Variants in GARIN5A observed in about 807,000 individuals in gnomAD.
GARIN5A encodes the protein Golgi-associated RAB2 interactor protein 5A.
chr19:50,467,234 G>A, the GARIN5A span, among the ~76,000 whole-genome samples: 1 of 152,048 alleles, frequency 6.6e-6, no homozygotes, highest in Non-Finnish European at 1.5e-5. Flanking sequence ...ACGGGGAGAG[G>A]GGCTGGGGCA....
the GARIN5A span, among the ~76,000 whole-genome samples, chr19:50,474,146 TTTTTC>T: frequency 3.3e-5 from 5 of 150,996 alleles, no homozygotes; most frequent in Non-Finnish European, 7.4e-5. Context: ...TTTGCATTAC[TTTTTC>T]TTTTCTCTTT....
the GARIN5A span, among the ~76,000 whole-genome samples, chr19:50,469,407 A>T: frequency 1.3e-5 from 2 of 152,126 alleles, no homozygotes; most frequent in African/African-American, 2.4e-5. Context: ...GGAGCCCCAC[A>T]GGCCTTGCCC....
chr19:50,467,954 C>T, the GARIN5A span: 1 of 799,350 alleles, frequency 1.3e-6, no homozygotes, highest in Non-Finnish European at 2.0e-6. Flanking sequence ...ACTTTCATTG[C>T]CTCTTGAACT....
chr19:50,476,392 G>C, the GARIN5A span: 1 of 1,552,548 alleles, frequency 6.4e-7, no homozygotes, highest in African/African-American at 1.4e-5. Flanking sequence ...GCCCCATCCT[G>C]CTGACGTCAG....
the GARIN5A span, among the ~76,000 whole-genome samples, chr19:50,472,188 A>ATG: frequency 1.9e-5 from 2 of 104,092 alleles, no homozygotes; most frequent in South Asian, 3.0e-4. Flanking sequence ...GTATGTATAC[A>ATG]TGTATGTGTG....
chr19:50,475,505 T>G, the GARIN5A span: 256 of 1,530,430 alleles, frequency 1.7e-4, no homozygotes, highest in Non-Finnish European at 2.2e-4. Flanking sequence ...GGGGCAGAAC[T>G]GAGGAGGGAT....
At chr19:50,476,578 C>T in the GARIN5A span, 3 of 1,575,740 alleles carry the variant, frequency 1.9e-6, no homozygotes, top group Admixed American at 1.8e-5. Context: ...AACCCGGCTG[C>T]TCCTGCTCTT....
At chr19:50,475,070 G>A in the GARIN5A span, among the ~76,000 whole-genome samples, 1 of 152,186 alleles carries the variant, frequency 6.6e-6, no homozygotes, top group Non-Finnish European at 1.5e-5. Context: ...CAGGCCCTGC[G>A]GAAATGATCA....
At chr19:50,476,217 A>C in the GARIN5A span, 49 of 1,613,604 alleles carry the variant, frequency 3.0e-5, no homozygotes, top group East Asian at 1.1e-3. Context: ...TCCCCGTCCG[A>C]CGGGAGCGGA....
chr19:50,473,517 CT>C, the GARIN5A span, among the ~76,000 whole-genome samples: 2 of 152,076 alleles, frequency 1.3e-5, no homozygotes, highest in Admixed American at 6.6e-5. Flanking sequence ...CCATACCTGG[CT>C]AGCTTTGTAA....
chr19:50,470,996 T>A, the GARIN5A span, among the ~76,000 whole-genome samples: 1 of 151,988 alleles, frequency 6.6e-6, no homozygotes, highest in Non-Finnish European at 1.5e-5. Flanking sequence ...AAGGGTCCTG[T>A]TCCCATTGCC....
At chr19:50,473,064 C>G in the GARIN5A span, among the ~76,000 whole-genome samples, 1 of 152,152 alleles carries the variant, frequency 6.6e-6, no homozygotes, top group African/African-American at 2.4e-5. Context: ...GAGAAAATAT[C>G]TCAGGGTACT....
the GARIN5A span, among the ~76,000 whole-genome samples, chr19:50,472,122 A>ATACGTGTGTATATG: frequency 7.5e-6 from 1 of 133,414 alleles, no homozygotes; most frequent in African/African-American, 3.6e-5. Context: ...GTATATGTAT[A>ATACGTGTGTATATG]TATACGTGTG....
chr19:50,476,790 C>A, the GARIN5A span: 1 of 621,262 alleles, frequency 1.6e-6, no homozygotes, highest in Non-Finnish European at 2.6e-6. Flanking sequence ...CCTGGAAAGC[C>A]AGGCCTCAGT....
chr19:50,470,149 A>G, the GARIN5A span, among the ~76,000 whole-genome samples: 1 of 152,222 alleles, frequency 6.6e-6, no homozygotes, highest in Non-Finnish European at 1.5e-5. Context: ...GTTGCCTACC[A>G]CTTTAACATG....
the GARIN5A span, among the ~76,000 whole-genome samples, chr19:50,471,825 T>C: frequency 2.1e-5 from 3 of 142,196 alleles, no homozygotes; most frequent in Non-Finnish European, 3.0e-5. Context: ...CCTGTGTGTA[T>C]ACGCATACAT....
chr19:50,467,735 G>A, the GARIN5A span: 2 of 1,607,744 alleles, frequency 1.2e-6, no homozygotes, highest in Non-Finnish European at 1.7e-6. Context: ...GCCCGCAGCT[G>A]CAAGTAGAAG....
the GARIN5A span, among the ~76,000 whole-genome samples, chr19:50,475,070 G>C: frequency 6.6e-6 from 1 of 152,186 alleles, no homozygotes; most frequent in Non-Finnish European, 1.5e-5. Context: ...CAGGCCCTGC[G>C]GAAATGATCA....
At chr19:50,473,702 G>A in the GARIN5A span, among the ~76,000 whole-genome samples, 3 of 151,250 alleles carry the variant, frequency 2.0e-5, no homozygotes, top group Non-Finnish European at 4.4e-5. Context: ...AAAAGTGAAA[G>A]CCAGACAGGC....
Sources: gnomAD v4.1 joint callset for allele counts (sites outside exome capture counted in the v4.1 genomes callset) on GRCh38, gnomAD v4.1.1 for gene constraint, MANE v1.5 for transcripts, NCBI Gene and HGNC (gene_info 2026-07-23, HGNC 2026-07-21) for gene names.